ASS1: variants seen among roughly 807,000 people sequenced by gnomAD.
ASS1 encodes the protein argininosuccinate synthase.
A neutral mutation model predicts 60.5 loss-of-function variants in ASS1; 58 were observed. The ratio of observed to expected loss-of-function variants is 0.96; its 90% CI spans 0.78 to 1.19. The LOEUF is 1.19. Among genes scored for constraint, ASS1 ranks in the 50% most tolerant of loss-of-function variants. The pLI is 0.00. For synonymous variants in ASS1, 200 were observed against 206.9 expected, an observed-to-expected ratio of 0.97 and a Z score of 0.29; for missense variants, 454 against 547.3, an observed-to-expected ratio of 0.83 and a Z score of 1.70.
At chr9:130,458,668 GTT>G in intron 4 of ASS1, 79 bp downstream of exon 4, 1 of 1,537,724 alleles carries the variant, frequency 6.5e-7, no homozygotes, top group Non-Finnish European at 8.8e-7. Context: ...CCCTCGAGCG[GTT>G]TCCTGGTGTG....
chr9:130,494,344 C>T lies in ASS1; in HGVS notation c.971-523C>T, dbSNP rs1033351089. ...GAAATATTACTGTGACATCCCCACT[C>T]AACAGATGGGGAAACAGAGGCACAG... On this transcript the variant is annotated intron_variant, in intron 12 of 14. Transcript: ENST00000352480. This position sits in a 1 kb window ranked among gnomAD's most constrained non-coding sequence, Gnocchi z 4.3. Among the ~76,000 whole-genome samples the T allele has an allele frequency of 1.3e-5, 2 of 152,228 alleles. No homozygotes were observed. Among genetic ancestry groups the T allele is most frequent in the African/African-American group, 4.8e-5 (2 of 41,454 alleles).
chr9:130,465,056 A>ATT lies in ASS1; in HGVS notation c.420+900_420+901dup, dbSNP rs796874986. 4.2e-3 allele frequency among the ~76,000 whole-genome samples: 503 copies of ATT among 120,038 alleles called. 3 individuals carry two copies. The highest frequency in any genetic ancestry group is 5.5e-3 in the Non-Finnish European group (340 of 61,746). 78.7% of individuals were successfully genotyped at this position (120,038 alleles called of 152,430 possible). A position where few individuals can be genotyped will look rare whatever the true frequency, so the allele number is the denominator to read the frequency against. On this transcript the variant is annotated intron_variant, in intron 5 of 14. Transcript: ENST00000352480. The stretch of plus-strand genomic sequence containing the variant: ...GTTTTATATATATATATATATATAT[A>ATT]TTTTTTTTTTTTCTTTTTCTGGAGA...
intron 1 of ASS1, among the ~76,000 whole-genome samples, chr9:130,448,444 A>ACACACACC (rs1845250461): frequency 6.8e-6 from 1 of 146,400 alleles, no homozygotes; most frequent in Non-Finnish European, 1.5e-5. Context: ...ACACACACAC[A>ACACACACC]CTGTCTCAGG....
Position 130,458,385 on chromosome 9 carries a change from GCTC to G in ASS1, c.175-12_175-10del. 1 of 1,611,996 alleles carries G rather than the reference GCTC, an allele frequency of 6.2e-7. No homozygotes were observed. The highest frequency in any genetic ancestry group is 1.1e-5 in the South Asian group (1 of 90,986). On this transcript the variant is annotated splice_polypyrimidine_tract_variant and intron_variant, in intron 3 of 14. Transcript: ENST00000352480. ...GTCCTTGCCTACTTCTTCCTTCTGG[GCTC>G]CTCTTCCCGTAGGTGTTCATTGAGG...
At position 130,494,460 on chromosome 9, in the gene ASS1, C is replaced by T. The variant is rs990232832; in HGVS notation, c.971-407C>T. Among the ~76,000 whole-genome samples, 1 of 152,236 alleles carries T rather than the reference C, an allele frequency of 6.6e-6. No homozygotes were observed. Among genetic ancestry groups the T allele is most frequent in the African/African-American group, 2.4e-5 (1 of 41,468 alleles). ...ATCACCAAGCCCCAGGCAGCATGTG[C>T]CTCTGAGTCCTGTCTGAGGTCTTCT... is the stretch of plus-strand genomic sequence containing the variant. On this transcript the variant is annotated intron_variant, in intron 12 of 14. Transcript: ENST00000352480. This position sits in a 1 kb window ranked among gnomAD's most constrained non-coding sequence, Gnocchi z 4.3.
intron 4 of ASS1, 44 bp from the exon 5 acceptor site, chr9:130,464,067 C>G: frequency 6.2e-7 from 1 of 1,608,768 alleles, no homozygotes; most frequent in Non-Finnish European, 8.5e-7. Flanking sequence ...GACTCCAGAA[C>G]CCCCATCCTG....
intron 9 of ASS1, among the ~76,000 whole-genome samples, chr9:130,479,136 G>C (rs1349783123): frequency 6.7e-6 from 1 of 150,190 alleles, no homozygotes; most frequent in Non-Finnish European, 1.5e-5. Flanking sequence ...TGCCACCCCG[G>C]ACCCAGCTCC....
In ASS1 at chr9:130,488,427, C is replaced by CCTGG. The variant is rs1174550096; in HGVS notation, c.839-905_839-902dup. Among the ~76,000 whole-genome samples the CCTGG allele has an allele frequency of 6.6e-6, 1 of 152,200 alleles. No homozygotes were observed. Among genetic ancestry groups the CCTGG allele is most frequent in the Non-Finnish European group, 1.5e-5 (1 of 68,036 alleles). ...TGAAGTTGATGCGAGAGGTCGCACT[C>CCTGG]CTGGGGCAAGAGGGGGCCTGGGCTG... is the stretch of plus-strand genomic sequence containing the variant. On this transcript the variant is annotated intron_variant, in intron 11 of 14. Transcript: ENST00000352480. This position sits in a 1 kb window ranked among gnomAD's most constrained non-coding sequence, Gnocchi z 5.2.
intron 3 of ASS1, among the ~76,000 whole-genome samples, chr9:130,454,949 C>T (rs1845410043): frequency 6.6e-6 from 1 of 150,932 alleles, no homozygotes; most frequent in South Asian, 2.1e-4. Context: ...ATCCATCCAT[C>T]ATCCATCTAT....
rs531691589 is a variant in ASS1, at chr9:130,489,804, G to A, written c.970+340G>A. ...ACTGTGCGGCGACATGCATCACCCC[G>A]CATGGTCCTCACAACTTTCCCAGGA... On this transcript the variant is annotated intron_variant, in intron 12 of 14. Coordinates refer to ENST00000352480, the MANE Select transcript of ASS1 (RefSeq NM_054012.4). The surrounding 1 kb of genome is among the most constrained non-coding windows in gnomAD (Gnocchi z 4.1). Among the ~76,000 whole-genome samples, 5 of 152,354 alleles carry A rather than the reference G, an allele frequency of 3.3e-5. No homozygotes were observed. The highest frequency in any genetic ancestry group is 4.1e-4 in the South Asian group (2 of 4,828).
Position 130,459,838 on chromosome 9 carries a change from G to A in ASS1, c.363+1249G>A, listed in dbSNP as rs894807826. The stretch of plus-strand genomic sequence containing the variant: ...GTGGAAACACAAATCAACCCATCCC[G>A]TACCCCTTCCCTCCGGGCCGTGTGT... On this transcript the variant is annotated intron_variant, in intron 4 of 14. Transcript: ENST00000352480. The surrounding 1 kb of genome is among the most constrained non-coding windows in gnomAD (Gnocchi z 4.6). 6.6e-6 allele frequency among the ~76,000 whole-genome samples: 1 copy of A among 152,202 alleles called. No individual in the cohort carries two copies.
chr9:130,454,297 C>A lies in ASS1; in HGVS notation c.106-8C>A. 1.2e-6 allele frequency: 2 copies of A among 1,609,796 alleles called. No homozygotes were observed. The highest frequency in any genetic ancestry group is 2.2e-5 in the East Asian group (1 of 44,770). On this transcript the variant is annotated splice_polypyrimidine_tract_variant and splice_region_variant and intron_variant, in intron 2 of 14. Coordinates refer to ENST00000352480, the MANE Select transcript of ASS1 (RefSeq NM_054012.4). ...GGCTGACGGAGCCTCTCCGCTTCTG[C>A]TTCTCAGGCCAACATTGGCCAGAAG...
At chr9:130,452,020 G>C (rs1463103763) in intron 1 of ASS1, 1 of 683,508 alleles carries the variant, frequency 1.5e-6, no homozygotes, top group Non-Finnish European at 2.7e-6. Flanking sequence ...TGTGGTCTGT[G>C]GGGCTGTGTG....
rs1465605036 is a variant in ASS1, at chr9:130,476,882, T to C, written c.609T>C (p.Pro203=). The change falls in exon 9 of 15, where the codon CCT becomes CCC. Residue 203 remains proline, a synonymous_variant. Coordinates refer to ENST00000352480, the MANE Select transcript of ASS1 (RefSeq NM_054012.4). This position sits in a 1 kb window ranked among gnomAD's most constrained non-coding sequence, Gnocchi z 4.9. The part of the protein sequence containing the change: ...GILENPKNQA[P]PGLYTKTQDP... Reference sequence around the variant, plus strand: ...CTGTCTTTTTTCAGAACCAAGCGCCTCCAGGTCTCTACACGAAGACCCAGG... The same window carrying C: ...CTGTCTTTTTTCAGAACCAAGCGCCCCCAGGTCTCTACACGAAGACCCAGG... 1.2e-6 allele frequency: 2 copies of C among 1,613,680 alleles called. No homozygotes were observed. Among genetic ancestry groups the C allele is most frequent in the Admixed American group, 1.7e-5 (1 of 59,998 alleles).
At chr9:130,468,357 G>A (rs12551145) in intron 6 of ASS1, among the ~76,000 whole-genome samples, 11,092 of 152,072 alleles carry the variant, frequency 0.073, 438 homozygotes, top group Middle Eastern at 0.12. Context: ...CCAACCCATC[G>A]TCCAACGGAA....
At chr9:130,448,364 C>T (rs985844279) in intron 1 of ASS1, among the ~76,000 whole-genome samples, 4 of 152,140 alleles carry the variant, frequency 2.6e-5, no homozygotes, top group African/African-American at 7.2e-5. Flanking sequence ...CACATGCATG[C>T]ACACACATTG....
intron 6 of ASS1, among the ~76,000 whole-genome samples, chr9:130,467,451 T>G (rs1411866185): frequency 6.6e-6 from 1 of 152,052 alleles, no homozygotes; most frequent in East Asian, 1.9e-4. Context: ...GAAAAGCAAC[T>G]CAGCGCACAC....
chr9:130,445,245 CGCGAGTCCCCGG>C (rs1845168138), intron 1 of ASS1: 2 of 960,756 alleles, frequency 2.1e-6, no homozygotes, highest in Middle Eastern at 5.2e-4. Flanking sequence ...TCCCCGGGGG[CGCGAGTCCCCGG>C]GTCCGAAGAG....
In ASS1 at chr9:130,491,297, C is replaced by T. The variant is rs373246361; in HGVS notation, c.970+1833C>T. ...TTACAAAGTGAGAGAGTCATTAAGA[C>T]GTGGCGGAGGAGAGAGCACCTGGCC... On this transcript the variant is annotated intron_variant, in intron 12 of 14. Coordinates refer to ENST00000352480, the MANE Select transcript of ASS1 (RefSeq NM_054012.4). This position sits in a 1 kb window ranked among gnomAD's most constrained non-coding sequence, Gnocchi z 5.3. 1.2e-4 allele frequency among the ~76,000 whole-genome samples: 18 copies of T among 151,914 alleles called. 1 individual carries two copies. In the East Asian group the frequency reaches 3.3e-3, roughly 28 times the overall value.
Sources: allele counts gnomAD v4.1 joint callset (sites outside exome capture counted in the v4.1 genomes callset), GRCh38; gene constraint gnomAD v4.1.1; non-coding constraint Gnocchi (gnomAD v3.1); transcripts MANE v1.5; gene names NCBI Gene and HGNC (gene_info 2026-07-23, HGNC 2026-07-21).